Variants in NSMCE2 observed in about 807,000 individuals in gnomAD.
NSMCE2 encodes the protein NSE2 SUMO ligase component of SMC5/6 complex.
Under a neutral mutation model 23.8 loss-of-function variants are expected in NSMCE2, and 24 were observed. The ratio of observed to expected loss-of-function variants is 1.01; its 90% CI spans 0.73 to 1.42. The LOEUF is 1.42. Among genes scored for constraint, NSMCE2 ranks in the 40% most tolerant of loss-of-function variants. The pLI, the probability that NSMCE2 is intolerant of heterozygous loss-of-function variation, is 0.00. For missense variants in NSMCE2, 284 were observed against 296.5 expected, an observed-to-expected ratio of 0.96 and a Z score of 0.31; for synonymous variants, 92 against 94.1, an observed-to-expected ratio of 0.98 and a Z score of 0.13.
At chr8:125,155,935 C>T in intron 4 of NSMCE2, 1 of 446,984 alleles carries the variant, frequency 2.2e-6, no homozygotes, top group East Asian at 7.7e-5. Flanking sequence ...GAGAATGACC[C>T]AACAAGTTCA....
chr8:125,188,441 G>A (rs1476608594), intron 5 of NSMCE2, among the ~76,000 whole-genome samples: 1 of 152,152 alleles, frequency 6.6e-6, no homozygotes, highest in African/African-American at 2.4e-5. Context: ...ACTGAAAGGG[G>A]ACACCTGTCA....
At chr8:125,217,198 T>A (rs974486995) in intron 5 of NSMCE2, among the ~76,000 whole-genome samples, 2 of 152,314 alleles carry the variant, frequency 1.3e-5, no homozygotes, top group East Asian at 3.9e-4. Context: ...TTTTGAAAGA[T>A]CCTGTCTATT....
At position 125,357,309 on chromosome 8, in the gene NSMCE2, C is replaced by T. The variant is rs1427774102; in HGVS notation, c.509C>T (p.Pro170Leu). The part of the protein sequence containing the change: ...VTQSQTNFTC[P>L]ITKEEMKKPV... ...CAAAGTCAGACCAACTTCACCTGCC[C>T]CATTACAAAGGTACCGCTTCCTCCT... Residue 170 changes from proline (P) to leucine (L), a missense_variant, in exon 6 of 8, where the codon CCC becomes CTC. By Grantham distance (98) the Pro-to-Leu change is moderately conservative. This residue lies in a region of NSMCE2 where 102 missense variants were observed against 141.0 expected (regional missense o/e 0.72). Transcript: ENST00000287437. 2 of 1,600,826 alleles carry T rather than the reference C, an allele frequency of 1.2e-6. No homozygotes were observed.
intron 5 of NSMCE2, among the ~76,000 whole-genome samples, chr8:125,192,344 T>A (rs75563624): frequency 6.7e-6 from 1 of 150,144 alleles, no homozygotes; most frequent in Admixed American, 6.6e-5. Flanking sequence ...TTTTTTTTTT[T>A]AAAGAAAGTT....
At chr8:125,141,132 T>G (rs1235239739) in intron 3 of NSMCE2, among the ~76,000 whole-genome samples, 1 of 152,220 alleles carries the variant, frequency 6.6e-6, no homozygotes, top group Non-Finnish European at 1.5e-5. Flanking sequence ...TCAAACAGTA[T>G]TTTGAATTAT....
chr8:125,321,292 C>A (rs1829446814), intron 5 of NSMCE2, among the ~76,000 whole-genome samples: 1 of 152,140 alleles, frequency 6.6e-6, no homozygotes, highest in South Asian at 2.1e-4. Flanking sequence ...CCTCTGTAAT[C>A]ATTGAGTTTT....
At chr8:125,218,512 A>G (rs111919474) in intron 5 of NSMCE2, among the ~76,000 whole-genome samples, 5,194 of 151,762 alleles carry the variant, frequency 0.034, 289 homozygotes, top group African/African-American at 0.12. Flanking sequence ...CTTGGGTTCA[A>G]GCAATTCTCA....
chr8:125,300,201 C>A (rs1260421408), intron 5 of NSMCE2, among the ~76,000 whole-genome samples: 2 of 150,868 alleles, frequency 1.3e-5, no homozygotes, highest in Non-Finnish European at 2.9e-5. Flanking sequence ...ACAAGTCTAG[C>A]TTGGTCGCCC....
chr8:125,175,855 G>C (rs1043303819), intron 4 of NSMCE2, among the ~76,000 whole-genome samples: 3 of 152,220 alleles, frequency 2.0e-5, no homozygotes, highest in Non-Finnish European at 4.4e-5. Context: ...TAATATTTGT[G>C]TTAAAATATG....
chr8:125,223,912 A>T (rs1056912899), intron 5 of NSMCE2, among the ~76,000 whole-genome samples: 4 of 149,766 alleles, frequency 2.7e-5, no homozygotes, highest in South Asian at 2.1e-4. Flanking sequence ...TGCAGAAATC[A>T]TGCAGCCTTG....
chr8:125,313,219 GA>G (rs1829044156), intron 5 of NSMCE2, among the ~76,000 whole-genome samples: 1 of 148,380 alleles, frequency 6.7e-6, no homozygotes, highest in African/African-American at 2.5e-5. Flanking sequence ...AGAAAGAAAA[GA>G]AAGAAAAAGA....
chr8:125,225,600 G>A (rs1390254798), intron 5 of NSMCE2, among the ~76,000 whole-genome samples: 1 of 152,176 alleles, frequency 6.6e-6, no homozygotes, highest in Non-Finnish European at 1.5e-5. Flanking sequence ...CCTCTCCAGG[G>A]AGATTCCCAA....
intron 3 of NSMCE2, among the ~76,000 whole-genome samples, chr8:125,111,253 T>C (rs1392078021): frequency 6.6e-6 from 1 of 152,222 alleles, no homozygotes; most frequent in African/African-American, 2.4e-5. Context: ...CAGGGACATT[T>C]ACTGCCCTCA....
chr8:125,292,405 T>C (rs1396967028), intron 5 of NSMCE2, among the ~76,000 whole-genome samples: 2 of 151,640 alleles, frequency 1.3e-5, no homozygotes, highest in African/African-American at 4.8e-5. Flanking sequence ...AAACACAAAA[T>C]TAGTTGGGTG....
chr8:125,277,341 A>G (rs139682561), intron 5 of NSMCE2, among the ~76,000 whole-genome samples: 1 of 152,276 alleles, frequency 6.6e-6, no homozygotes, highest in African/African-American at 2.4e-5. Flanking sequence ...AGGCCATGAT[A>G]TTCATTAGGC....
chr8:125,177,203 G>T (rs1332910588), intron 4 of NSMCE2, among the ~76,000 whole-genome samples: 2 of 152,154 alleles, frequency 1.3e-5, no homozygotes, highest in Non-Finnish European at 2.9e-5. Flanking sequence ...TTAAACACAG[G>T]CTTGGTTTAG....
intron 5 of NSMCE2, among the ~76,000 whole-genome samples, chr8:125,316,369 A>G (rs1829177231): frequency 1.3e-5 from 2 of 152,222 alleles, no homozygotes; most frequent in African/African-American, 4.8e-5. Flanking sequence ...GAACTTCCAG[A>G]AAACAATTAG....
chr8:125,276,600 T>A (rs995522585), intron 5 of NSMCE2, among the ~76,000 whole-genome samples: 1 of 152,196 alleles, frequency 6.6e-6, no homozygotes, highest in Non-Finnish European at 1.5e-5. Context: ...GTATATACAG[T>A]CCCTCATAGA....
At chr8:125,102,863 A>G (rs1490202513) in intron 3 of NSMCE2, among the ~76,000 whole-genome samples, 1 of 152,214 alleles carries the variant, frequency 6.6e-6, no homozygotes, top group African/African-American at 2.4e-5. Flanking sequence ...ACCAGTAGAT[A>G]GACTAAGCTT....
Sources: gnomAD v4.1 joint callset for allele counts (sites outside exome capture counted in the v4.1 genomes callset) on GRCh38, gnomAD v4.1.1 for gene constraint, gnomAD v4.1.1 regional missense constraint, MANE v1.5 for transcripts, NCBI Gene and HGNC (gene_info 2026-07-23, HGNC 2026-07-21) for gene names.